CNTN6: variants seen among roughly 807,000 people sequenced by gnomAD.
The protein encoded by CNTN6 is contactin-6.
A neutral mutation model predicts 122.8 loss-of-function variants in CNTN6; 137 were observed. That is an observed-to-expected ratio of 1.12 (90% CI 0.97 to 1.29). The LOEUF is 1.29. Ranked by LOEUF, CNTN6 falls within the 50% of genes most tolerant of loss-of-function variation. CNTN6 has a pLI of 0.00. For synonymous variants in CNTN6, 570 were observed against 426.0 expected (o/e 1.34, Z -4.16); for missense variants, 1,634 against 1,223.4 (o/e 1.34, Z -5.01).
At chr3:1,229,210 A>G (rs539873150) in intron 4 of CNTN6, among the ~76,000 whole-genome samples, 124 of 152,308 alleles carry the variant, frequency 8.1e-4, no homozygotes, top group African/African-American at 2.8e-3. Context: ...TATTTATAAC[A>G]CTTGATTTCT....
chr3:1,102,257 C>CT (rs1448188237), intron 1 of CNTN6, among the ~76,000 whole-genome samples: 1 of 152,134 alleles, frequency 6.6e-6, no homozygotes, highest in Non-Finnish European at 1.5e-5. Flanking sequence ...GACCGCTGAG[C>CT]TATCTTTCTA....
intron 4 of CNTN6, among the ~76,000 whole-genome samples, chr3:1,242,689 C>T (rs1165926462): frequency 6.6e-6 from 1 of 152,006 alleles, no homozygotes; most frequent in South Asian, 2.1e-4. Flanking sequence ...GCGAAGGAGG[C>T]TTTGGGTTGG....
rs1401521866 is a variant in CNTN6 at position 1,374,003 on chromosome 3, T to C, written c.2025T>C (p.Val675=). ...LSPWVEYEFR[V]VAGNSIGIGE... is the part of the protein sequence containing the mutation. ...CTTGGGTGGAATATGAATTTCGTGT[T>C]GTTGCCGGCAACAGCATTGGGATTG... The change falls in exon 16 of 23, where the codon GTT becomes GTC. Residue 675 remains valine (V), a synonymous_variant. Transcript: ENST00000446702. The C allele has an allele frequency of 6.2e-7, 1 of 1,613,238 alleles. No individual in the cohort carries two copies. Among genetic ancestry groups the C allele is most frequent in the Non-Finnish European group, 8.5e-7 (1 of 1,179,470 alleles).
At chr3:1,308,295 G>GTGTGTT (rs1483585304) in intron 7 of CNTN6, among the ~76,000 whole-genome samples, 2 of 149,388 alleles carry the variant, frequency 1.3e-5, no homozygotes, top group Non-Finnish European at 1.5e-5. Context: ...TTTTGTGTGT[G>GTGTGTT]TGTGTGTGTG....
rs146449776 is a variant in CNTN6 at position 1,233,883 on chromosome 3, T to C, written c.358+5890T>C. Among the ~76,000 whole-genome samples, 244 of 152,204 alleles carry C rather than the reference T, an allele frequency of 1.6e-3. 1 individual carries two copies. The highest frequency in any genetic ancestry group is 5.7e-3 in the African/African-American group (237 of 41,518). ...GCATCCCAAACCTCAGTTTTTATCA[T>C]ATACAATGGAGTGAACGAATTCTTG... On this transcript the variant is annotated intron_variant, in intron 4 of 22. Transcript: ENST00000446702.
chr3:1,388,830 G>T (rs1013520863), intron 20 of CNTN6, among the ~76,000 whole-genome samples: 1 of 148,162 alleles, frequency 6.7e-6, no homozygotes, highest in Non-Finnish European at 1.5e-5. Flanking sequence ...AAGATGAAAT[G>T]AATGAAATGA....
rs943857450 is a variant in CNTN6, at chr3:1,377,595, G to C, written c.2166+520G>C. 5.3e-5 allele frequency among the ~76,000 whole-genome samples: 8 copies of C among 152,130 alleles called. No homozygotes were observed. In the East Asian group the frequency reaches 1.5e-3, roughly 29 times the overall value. On this transcript the variant is annotated intron_variant, in intron 17 of 22. Transcript: ENST00000446702. ...CTTATTAAAAATTTCAGTCTGGTGT[G>C]TACACTTCAAACTGGAGTATAAACG...
chr3:1,243,303 C>T (rs867974905), intron 4 of CNTN6, among the ~76,000 whole-genome samples: 54 of 152,258 alleles, frequency 3.5e-4, no homozygotes, highest in East Asian at 2.1e-3. Flanking sequence ...TCTGGGGGAA[C>T]GCCTGGCTGC....
At chr3:1,253,974 C>T (rs1466149215) in intron 4 of CNTN6, among the ~76,000 whole-genome samples, 1 of 152,112 alleles carries the variant, frequency 6.6e-6, no homozygotes, top group African/African-American at 2.4e-5. Context: ...TGTCTCTGCG[C>T]ACACACATAA....
intron 20 of CNTN6, among the ~76,000 whole-genome samples, chr3:1,386,188 G>C (rs996923449): frequency 2.0e-5 from 3 of 152,064 alleles, no homozygotes; most frequent in Non-Finnish European, 4.4e-5. Flanking sequence ...GTTTTCATAG[G>C]TTTTGTTCAA....
chr3:1,400,281 CAGATA>C (rs1390969805), intron 20 of CNTN6, among the ~76,000 whole-genome samples: 2 of 152,148 alleles, frequency 1.3e-5, no homozygotes, highest in East Asian at 3.9e-4. Context: ...CATGTGGACT[CAGATA>C]AGCAGCAAGT....
At chr3:1,184,691 A>G (rs971987215) in intron 2 of CNTN6, among the ~76,000 whole-genome samples, 2 of 152,184 alleles carry the variant, frequency 1.3e-5, no homozygotes, top group Admixed American at 6.5e-5. Context: ...ATGACTCTCA[A>G]TATGGACATC....
chr3:1,387,411 T>G (rs1194246861), intron 20 of CNTN6, among the ~76,000 whole-genome samples: 1 of 152,232 alleles, frequency 6.6e-6, no homozygotes, highest in Non-Finnish European at 1.5e-5. Flanking sequence ...TATGATTTGC[T>G]TCTTTGGTCT....
chr3:1,094,768 T>G (rs568203689), intron 1 of CNTN6, among the ~76,000 whole-genome samples: 3 of 152,272 alleles, frequency 2.0e-5, no homozygotes, highest in East Asian at 3.9e-4. Context: ...TCTGGGTTTT[T>G]TTTTTAGTAA....
At chr3:1,222,162 T>C (rs1292950271) in intron 3 of CNTN6, among the ~76,000 whole-genome samples, 1 of 152,198 alleles carries the variant, frequency 6.6e-6, no homozygotes, top group Non-Finnish European at 1.5e-5. Context: ...CTTGTCTTTA[T>C]CATACCCAAA....
chr3:1,347,035 C>T (rs1704836778), intron 11 of CNTN6, among the ~76,000 whole-genome samples: 1 of 152,136 alleles, frequency 6.6e-6, no homozygotes, highest in African/African-American at 2.4e-5. Context: ...TTCAACTTAT[C>T]AGTTAAACTT....
rs9826826 is a variant in CNTN6, at chr3:1,309,780, G to A, written c.761+11789G>A. ...ATCCATGAACACAGACTATTTCTCC[G>A]CTTATTTCGATCTCTTTTAATTGAT... On this transcript the variant is annotated intron_variant, in intron 7 of 22. Transcript: ENST00000446702. Among the ~76,000 whole-genome samples, 681 of 152,168 alleles carry A rather than the reference G, an allele frequency of 4.5e-3. 7 individuals carry two copies. Among genetic ancestry groups the A allele is most frequent in the African/African-American group, 0.016 (645 of 41,516 alleles).
At chr3:1,099,248 G>T (rs201000102) in intron 1 of CNTN6, among the ~76,000 whole-genome samples, 1 of 151,888 alleles carries the variant, frequency 6.6e-6, no homozygotes, top group Admixed American at 6.6e-5. Context: ...TCAGGAGATC[G>T]AGACCATCCT....
chr3:1,100,162 T>C (rs1306498110), intron 1 of CNTN6, among the ~76,000 whole-genome samples: 2 of 152,194 alleles, frequency 1.3e-5, no homozygotes, highest in Admixed American at 6.5e-5. Flanking sequence ...GATTCTCTTC[T>C]TGTGCTCTGA....
Sources: allele counts gnomAD v4.1 joint callset (sites outside exome capture counted in the v4.1 genomes callset), GRCh38; gene constraint gnomAD v4.1.1; transcripts MANE v1.5; gene names NCBI Gene and HGNC (gene_info 2026-07-23, HGNC 2026-07-21).